SLC16A3: variants seen among roughly 807,000 people sequenced by gnomAD.
The protein encoded by SLC16A3 is solute carrier family 16 member 3.
In SLC16A3, 22 loss-of-function variants were observed where a neutral mutation model predicts 25.0. The observed-to-expected ratio is 0.88, with a 90% confidence interval of 0.63 to 1.26. The LOEUF (loss-of-function observed/expected upper bound fraction) is 1.26. Ranked by LOEUF, SLC16A3 falls within the 50% of genes most tolerant of loss-of-function variation. The pLI is 0.00. For missense variants in SLC16A3, 731 were observed against 666.6 expected (o/e 1.10, Z -1.06); for synonymous variants, 390 against 309.2 (o/e 1.26, Z -2.74).
chr17:82,234,793 G>A (rs754851697), intron 1 of SLC16A3: 1 of 152,338 alleles, frequency 6.6e-6, no homozygotes, highest in Non-Finnish European at 1.5e-5. Context: ...GGACCCACCG[G>A]GTCAGGGGTC....
At chr17:82,237,057 G>A (rs558362694) in intron 3 of SLC16A3, 81 bp from the exon 4 acceptor site, 16 of 1,460,162 alleles carry the variant, frequency 1.1e-5, no homozygotes, top group Non-Finnish European at 1.5e-5. Flanking sequence ...GCCTGAGCCT[G>A]TGGGAACCTG....
chr17:82,218,528 G>A (rs1464516129), intron 1 of SLC16A3, among the ~76,000 whole-genome samples: 1 of 152,186 alleles, frequency 6.6e-6, no homozygotes, highest in South Asian at 2.1e-4. Context: ...GAAGGCAGCT[G>A]TCAATAGCGC....
At chr17:82,236,938 G>A in intron 3 of SLC16A3, 66 bp downstream of exon 3, 1 of 1,580,362 alleles carries the variant, frequency 6.3e-7, no homozygotes, top group Admixed American at 1.7e-5. Context: ...TTCTGCTCCT[G>A]GGTCCAGGCC....
rs746409901 is a variant in SLC16A3 at position 82,237,602 on chromosome 17, C to T, written c.832C>T (p.Arg278Trp). The T allele has an allele frequency of 5.0e-6, 8 of 1,612,200 alleles. No individual in the cohort carries two copies. Among genetic ancestry groups the T allele is most frequent in the Admixed American group, 1.7e-5 (1 of 59,974 alleles). The change falls in exon 4 of 5, where the codon CGG (arginine) becomes TGG (tryptophan). Residue 278 changes from arginine (R) to tryptophan (W), a missense_variant. Transcript: ENST00000582743. ...TILGFIDIFA[R>W]PAAGFVAGLG... is the part of the protein sequence containing the mutation. The stretch of plus-strand genomic sequence containing the variant: ...CCTGGGCTTCATTGACATCTTCGCG[C>T]GGCCGGCCGCGGGCTTCGTGGCGGG...
At chr17:82,227,124 G>A (rs943638190), upstream of SLC16A3, among the ~76,000 whole-genome samples, 2 of 152,186 alleles carry the variant, frequency 1.3e-5, no homozygotes, top group Admixed American at 6.5e-5. Context: ...CTAAGAGGGG[G>A]CCAGGCCTGG....
intron 1 of SLC16A3, among the ~76,000 whole-genome samples, chr17:82,221,281 C>T (rs911123865): frequency 4.6e-5 from 7 of 152,106 alleles, no homozygotes; most frequent in Admixed American, 3.3e-4. Flanking sequence ...AACAAAGGGC[C>T]GGGCACGGCA....
At chr17:82,220,303 G>A (rs886451823) in intron 1 of SLC16A3, among the ~76,000 whole-genome samples, 8 of 152,150 alleles carry the variant, frequency 5.3e-5, no homozygotes, top group African/African-American at 1.9e-4. Context: ...CTCCTGGCCT[G>A]CTGAGGCTTG....
intron 2 of SLC16A3, 46 bp downstream of exon 2, chr17:82,236,277 C>A (rs773272067): frequency 6.4e-7 from 1 of 1,558,122 alleles, no homozygotes; most frequent in Non-Finnish European, 8.8e-7. Flanking sequence ...GCTCTGCTGG[C>A]GGATCCTGCT....
At chr17:82,222,150 G>A (rs918925427) in intron 1 of SLC16A3, among the ~76,000 whole-genome samples, 1 of 142,818 alleles carries the variant, frequency 7.0e-6, no homozygotes, top group Non-Finnish European at 1.5e-5. Context: ...TCCCACGTTC[G>A]TGGAGAGGAG....
upstream of SLC16A3, chr17:82,228,934 G>C (rs1350253020): frequency 6.7e-6 from 1 of 149,428 alleles, no homozygotes; most frequent in African/African-American, 2.4e-5. Context: ...GAGGCGGCGC[G>C]GGGTCCGGGC....
chr17:82,222,306 G>A (rs943622335), intron 1 of SLC16A3, among the ~76,000 whole-genome samples: 1 of 151,838 alleles, frequency 6.6e-6, no homozygotes, highest in African/African-American at 2.4e-5. Context: ...GACGAGTGTC[G>A]CCCTGGGACC....
intron 4 of SLC16A3, 102 bp from the exon 5 acceptor site, chr17:82,238,600 T>C: frequency 8.3e-7 from 1 of 1,205,570 alleles, no homozygotes; most frequent in East Asian, 2.7e-5. Context: ...GCAGACAGGG[T>C]GACCCTTGCG....
At chr17:82,223,292 C>T (rs911827821) in intron 1 of SLC16A3, among the ~76,000 whole-genome samples, 7 of 152,166 alleles carry the variant, frequency 4.6e-5, no homozygotes, top group African/African-American at 1.7e-4. Flanking sequence ...AAGCAATTTT[C>T]CTGCCTCAGT....
chr17:82,239,089 C>G lies in SLC16A3; in HGVS notation c.*113C>G. 1 of 1,079,372 alleles carries G rather than the reference C, an allele frequency of 9.3e-7. No individual in the cohort carries two copies. The highest frequency in any genetic ancestry group is 1.3e-6 in the Non-Finnish European group (1 of 776,738). The allele number at this position is 1,079,372 out of a possible 1,614,324, so 66.9% of individuals were successfully genotyped here. ...CAGGGCCACGGCTGGGCTCCAGCTG[C>G]CGGCCCAGCGGATCGTCGCCCGATC... On this transcript the variant is annotated 3_prime_UTR_variant, in exon 5 of 5. Coordinates refer to ENST00000582743, the MANE Select transcript of SLC16A3 (RefSeq NM_004207.4).
rs572469254 is a variant in SLC16A3, at chr17:82,238,686, C to G, written c.1124-16C>G. The stretch of plus-strand genomic sequence containing the variant: ...AGCCCGCATGAGCGGCTGGGACTGA[C>G]GGGGTCTTCCCGCAGGCAAACTCCT... On this transcript the variant is annotated splice_polypyrimidine_tract_variant and intron_variant, in intron 4 of 4. Coordinates refer to ENST00000582743, the MANE Select transcript of SLC16A3 (RefSeq NM_004207.4). 1 of 1,600,230 alleles carries G rather than the reference C, an allele frequency of 6.2e-7. No individual in the cohort carries two copies. The highest frequency in any genetic ancestry group is 8.5e-7 in the Non-Finnish European group (1 of 1,173,314).
At chr17:82,227,769 G>A (rs1404905272), upstream of SLC16A3, among the ~76,000 whole-genome samples, 1 of 152,192 alleles carries the variant, frequency 6.6e-6, no homozygotes, top group Non-Finnish European at 1.5e-5. Context: ...TCTGCTCACA[G>A]GCACGTGCCC....
At chr17:82,232,010 CAG>C (rs928527672) in intron 1 of SLC16A3, 3 of 152,248 alleles carry the variant, frequency 2.0e-5, no homozygotes, top group African/African-American at 7.2e-5. Flanking sequence ...GTTTGCACAA[CAG>C]GGGCTGCGGG....
chr17:82,218,324 G>A (rs1264284854), intron 1 of SLC16A3, among the ~76,000 whole-genome samples: 1 of 118,894 alleles, frequency 8.4e-6, no homozygotes, highest in Admixed American at 8.4e-5. Context: ...GCCAAGGGGA[G>A]CCCAGCCTCG....
At chr17:82,220,973 A>G (rs935806375) in intron 1 of SLC16A3, among the ~76,000 whole-genome samples, 2 of 151,980 alleles carry the variant, frequency 1.3e-5, no homozygotes, top group Non-Finnish European at 2.9e-5. Context: ...ACAAGCATGC[A>G]CCACCACACC....
Sources: allele counts gnomAD v4.1 joint callset (sites outside exome capture counted in the v4.1 genomes callset), GRCh38; gene constraint gnomAD v4.1.1; transcripts MANE v1.5; gene names NCBI Gene and HGNC (gene_info 2026-07-23, HGNC 2026-07-21).